CFHR1: variants seen among roughly 807,000 people sequenced by gnomAD.
CFHR1 encodes complement factor H related 1.
CFHR1 carries 22 observed loss-of-function variants against 30.4 expected under a neutral mutation model. The observed-to-expected ratio is 0.72, with a 90% CI of 0.52 to 1.03. The LOEUF is 1.03. CFHR1 is among the 50% of genes least tolerant of loss of function. The pLI is 0.00. For missense variants in CFHR1, 248 were observed against 380.6 expected (o/e 0.65, Z 2.90); for synonymous variants, 95 against 129.1 (o/e 0.74, Z 1.79).
At chr1:196,827,060 A>C (rs1449679409) in intron 3 of CFHR1, 55 bp downstream of exon 3, 1 of 1,448,020 alleles carries the variant, frequency 6.9e-7, no homozygotes, top group African/African-American at 1.8e-5. Flanking sequence ...GTTTGAGAGA[A>C]ATAAATCTTT....
chr1:196,831,522 G>C (rs1655558044), intron 5 of CFHR1, among the ~76,000 whole-genome samples: 1 of 135,838 alleles, frequency 7.4e-6, no homozygotes, highest in South Asian at 2.5e-4. Context: ...GCAATGATAA[G>C]TTCTAAAATG....
At position 196,827,416 on chromosome 1, in the gene CFHR1, T is replaced by A. The variant is rs1356960362; in HGVS notation, c.430+411T>A. Among the ~76,000 whole-genome samples the A allele has an allele frequency of 2.2e-5, 3 of 135,804 alleles. No homozygotes were observed. The East Asian group carries it at 5.9e-4, about 27-fold the overall frequency. The allele number at this position is 135,804 out of a possible 152,430, so 89.1% of individuals were successfully genotyped here. On this transcript the variant is annotated intron_variant, in intron 3 of 5. Transcript: ENST00000320493. ...TACACATGGACCTGAAACTCTCTGA[T>A]GAATTTTGCATTGTTCAGCATAGTA...
rs189410604 is a variant in CFHR1, at chr1:196,827,030, A to G, written c.430+25A>G. 51 of 1,507,002 alleles carry G rather than the reference A, an allele frequency of 3.4e-5. 3 individuals carry two copies. In the East Asian group the frequency reaches 1.1e-3, roughly 31 times the overall value. 93.4% of individuals were successfully genotyped at this position (1,507,002 alleles called of 1,614,324 possible). The stretch of plus-strand genomic sequence containing the variant: ...GGTAAGTACAATGCTGTTCTCTCAT[A>G]TGCTGTTATCTATTATAAAGTTTGA... On this transcript the variant is annotated intron_variant, in intron 3 of 5. Transcript: ENST00000320493.
rs187614146 is a variant in CFHR1 at position 196,820,351 on chromosome 1, T to A, written c.58+449T>A. Among the ~76,000 whole-genome samples the A allele has an allele frequency of 5.0e-4, 46 of 91,318 alleles. 20 individuals are homozygous for A. Among genetic ancestry groups the A allele is most frequent in the African/African-American group, 2.6e-3 (46 of 17,508 alleles). The allele number at this position is 91,318 out of a possible 152,430, so 59.9% of individuals were successfully genotyped here. ...TAAAATGGAGGAATTCCCATTTCAA[T>A]TGAATTATCCTTCAACAGAGGGAAA... On this transcript the variant is annotated intron_variant, in intron 1 of 5. Coordinates refer to ENST00000320493, the MANE Select transcript of CFHR1 (RefSeq NM_002113.3).
chr1:196,828,913 C>T lies in CFHR1; in HGVS notation c.607+667C>T, dbSNP rs556764971. ...ACATATCCATTCATCCTTTCATGGC[C>T]TGTTAACTGGTGCACTTGGACCAAT... On this transcript the variant is annotated intron_variant, in intron 4 of 5. Coordinates refer to ENST00000320493, the MANE Select transcript of CFHR1 (RefSeq NM_002113.3). Among the ~76,000 whole-genome samples, 85 of 131,564 alleles carry T rather than the reference C, an allele frequency of 6.5e-4. 12 individuals are homozygous for T. The South Asian group carries it at 9.0e-3, about 14-fold the overall frequency. 86.3% of individuals were successfully genotyped at this position (131,564 alleles called of 152,430 possible).
intron 1 of CFHR1, among the ~76,000 whole-genome samples, chr1:196,820,679 T>A (rs1304281959): frequency 8.2e-6 from 1 of 122,246 alleles, no homozygotes; most frequent in Non-Finnish European, 1.7e-5. Context: ...CAAAAAGTTT[T>A]TACTTTACTG....
chr1:196,830,839 T>C (rs1655526316), intron 5 of CFHR1, among the ~76,000 whole-genome samples, 157 bp downstream of exon 5: 1 of 135,260 alleles, frequency 7.4e-6, no homozygotes. Context: ...AGAAATTTTC[T>C]CTTTAGGGCT....
chr1:196,827,716 T>C (rs1655389012), intron 3 of CFHR1, among the ~76,000 whole-genome samples: 1 of 125,024 alleles, frequency 8.0e-6, no homozygotes, highest in Admixed American at 7.8e-5. Context: ...CTTTTTGCAT[T>C]TTATAAATTA....
Position 196,825,572 on chromosome 1 carries a change from T to G in CFHR1, c.154T>G (p.Tyr52Asp). Reference protein sequence around the residue: ...FSQVPTGEVFYYSCEYNFVSP... With the variant: ...FSQVPTGEVFDYSCEYNFVSP... Reference sequence around the variant, plus strand: ...CCAGGTTCCTACAGGGGAAGTTTTCTATTACTCCTGTGAATATAATTTTGT... The same window carrying G: ...CCAGGTTCCTACAGGGGAAGTTTTCGATTACTCCTGTGAATATAATTTTGT... The change falls in exon 2 of 6, where the codon TAT (tyrosine) becomes GAT (aspartate). Residue 52 changes from tyrosine to aspartate, a missense_variant. Coordinates refer to ENST00000320493, the MANE Select transcript of CFHR1 (RefSeq NM_002113.3). 1 of 1,523,770 alleles carries G rather than the reference T, an allele frequency of 6.6e-7. No homozygotes were observed. Among genetic ancestry groups the G allele is most frequent in the Non-Finnish European group, 8.9e-7 (1 of 1,127,694 alleles). 94.4% of individuals were successfully genotyped at this position (1,523,770 alleles called of 1,614,324 possible). A position where few individuals can be genotyped will look rare whatever the true frequency, so the allele number is the denominator to read the frequency against.
intron 3 of CFHR1, 38 bp downstream of exon 3, chr1:196,827,043 T>C (rs1655356148): frequency 6.7e-7 from 1 of 1,486,796 alleles, no homozygotes; most frequent in East Asian, 2.2e-5. Flanking sequence ...CTGTTATCTA[T>C]TATAAAGTTT....
chr1:196,831,074 G>T (rs530335190), intron 5 of CFHR1, among the ~76,000 whole-genome samples: 2 of 135,750 alleles, frequency 1.5e-5, no homozygotes, highest in Admixed American at 1.4e-4. Context: ...GGAGCTTGCA[G>T]TGAGCCGAGT....
In CFHR1 at chr1:196,830,970, A is replaced by G. The variant is rs1414195838; in HGVS notation, c.790+288A>G. Among the ~76,000 whole-genome samples, 2 of 132,034 alleles carry G rather than the reference A, an allele frequency of 1.5e-5. 1 individual carries two copies. The highest frequency in any genetic ancestry group is 3.1e-5 in the Non-Finnish European group (2 of 63,522). 86.6% of individuals were successfully genotyped at this position (132,034 alleles called of 152,430 possible). A position where few individuals can be genotyped will look rare whatever the true frequency, so the allele number is the denominator to read the frequency against. On this transcript the variant is annotated intron_variant, in intron 5 of 5. Transcript: ENST00000320493. ...GTGAAACCCCGTCTCTACTAAAAATACAGAATAATAATAATAACCGGCATG... is the reference window on the plus strand; with the variant it reads ...GTGAAACCCCGTCTCTACTAAAAATGCAGAATAATAATAATAACCGGCATG...
At position 196,827,117 on chromosome 1, in the gene CFHR1, A is replaced by G; in HGVS notation, c.430+112A>G. 6.1e-6 allele frequency: 7 copies of G among 1,146,138 alleles called. 2 individuals carry two copies. The highest frequency in any genetic ancestry group is 8.6e-6 in the Non-Finnish European group (7 of 811,926). 71.0% of individuals were successfully genotyped at this position (1,146,138 alleles called of 1,614,324 possible). ...TTGCCACATACTTTTATCTTTATTC[A>G]TTTGATTTTCAGTTCCAATTGTGTC... On this transcript the variant is annotated intron_variant, in intron 3 of 5. Coordinates refer to ENST00000320493, the MANE Select transcript of CFHR1 (RefSeq NM_002113.3).
At chr1:196,821,740 A>AGTGTGT (rs58358440) in intron 1 of CFHR1, among the ~76,000 whole-genome samples, 2 of 69,598 alleles carry the variant, frequency 2.9e-5, no homozygotes, top group African/African-American at 1.8e-4. Flanking sequence ...ACTGTGAGTG[A>AGTGTGT]GTGTGTGTGT....
chr1:196,822,734 TGTTTTACAGTTA>T (rs1655165550), intron 1 of CFHR1, among the ~76,000 whole-genome samples: 2 of 134,752 alleles, frequency 1.5e-5, no homozygotes, highest in African/African-American at 6.4e-5. Context: ...AAACATTAAC[TGTTTTACAGTTA>T]ATTTTTTTAA....
intron 2 of CFHR1, 130 bp downstream of exon 2, chr1:196,825,801 T>C: frequency 2.1e-6 from 2 of 930,840 alleles, no homozygotes; most frequent in South Asian, 1.7e-5. Context: ...GGAGATGTAG[T>C]CCCCCTATTT....
At position 196,829,219 on chromosome 1, in the gene CFHR1, A is replaced by G. The variant is rs1219713939; in HGVS notation, c.607+973A>G. 1.5e-5 allele frequency among the ~76,000 whole-genome samples: 2 copies of G among 134,998 alleles called. 1 individual carries two copies. Among genetic ancestry groups the G allele is most frequent in the African/African-American group, 6.3e-5 (2 of 31,616 alleles). The allele number at this position is 134,998 out of a possible 152,430, so 88.6% of individuals were successfully genotyped here. On this transcript the variant is annotated intron_variant, in intron 4 of 5. Coordinates refer to ENST00000320493, the MANE Select transcript of CFHR1 (RefSeq NM_002113.3). ...TGACATTTAAATCAACAACTGGAATATGGAAAGCTTACTTTCATGTAGATC... is the reference window on the plus strand; with the variant it reads ...TGACATTTAAATCAACAACTGGAATGTGGAAAGCTTACTTTCATGTAGATC...
intron 2 of CFHR1, among the ~76,000 whole-genome samples, chr1:196,826,485 CGTTT>C (rs1400034812): frequency 7.6e-6 from 1 of 132,034 alleles, no homozygotes; most frequent in Non-Finnish European, 1.6e-5. Context: ...TTTTTTTGTT[CGTTT>C]GTTTGTTTTG....
In CFHR1 at chr1:196,825,521, G is replaced by C; in HGVS notation, c.103G>C (p.Asp35His). Residue 35 changes from aspartate to histidine, a missense_variant, in exon 2 of 6, where the codon GAT becomes CAT. Around this residue, in one of 3 missense-constraint regions of CFHR1, gnomAD observed 121 missense variants for 162.6 expected, o/e 0.74. Coordinates refer to ENST00000320493, the MANE Select transcript of CFHR1 (RefSeq NM_002113.3). ...AAAAATAAACCATGGAATTCTATAT[G>C]ATGAAGAAAAATATAAGCCATTTTC... is the stretch of plus-strand genomic sequence containing the variant. The part of the protein sequence containing the change: ...FPKINHGILY[D>H]EEKYKPFSQV... 1 of 1,519,322 alleles carries C rather than the reference G, an allele frequency of 6.6e-7. No homozygotes were observed. Among genetic ancestry groups the C allele is most frequent in the Non-Finnish European group, 8.9e-7 (1 of 1,124,416 alleles). 94.1% of individuals were successfully genotyped at this position (1,519,322 alleles called of 1,614,324 possible).
Sources: allele counts gnomAD v4.1 joint callset (sites outside exome capture counted in the v4.1 genomes callset), GRCh38; gene constraint gnomAD v4.1.1; regional missense constraint gnomAD v4.1.1; transcripts MANE v1.5; gene names NCBI Gene and HGNC (gene_info 2026-07-23, HGNC 2026-07-21).